The following DBNL variants were observed in gnomAD, a reference collection of about 807,000 sequenced individuals.
The protein encoded by DBNL is drebrin like, also known as drebrin-like protein.
Under a neutral mutation model 62.2 loss-of-function variants are expected in DBNL, and 35 were observed. The ratio of observed to expected loss-of-function variants is 0.56; its 90% CI spans 0.43 to 0.75. The LOEUF (loss-of-function observed/expected upper bound fraction) is 0.75. DBNL is among the 30% of genes least tolerant of loss of function. The pLI, the probability that DBNL is intolerant of heterozygous loss-of-function variation, is 0.00. For missense variants in DBNL, 495 were observed against 578.4 expected, an observed-to-expected ratio of 0.86 and a Z score of 1.48; for synonymous variants, 197 against 218.0, an observed-to-expected ratio of 0.90 and a Z score of 0.85.
At position 44,067,460 on chromosome 7, in the gene DBNL, G is replaced by A. The variant is rs2096162080; in HGVS notation, c.*6544G>A. The A allele has an allele frequency of 6.6e-6, 1 of 152,194 alleles. No homozygotes were observed. 9.4% of individuals were successfully genotyped at this position (152,194 alleles called of 1,614,324 possible). A position where few individuals can be genotyped will look rare whatever the true frequency, so the allele number is the denominator to read the frequency against. ...CAGTGGCAAGGATCCCCCAGACCTG[G>A]GAGACCTCACTGCCAACCAAGCAGG... On this transcript the variant is annotated 3_prime_UTR_variant, in exon 13 of 13. Transcript: ENST00000448521.
chr7:44,048,580 C>T (rs2096121264), intron 1 of DBNL, among the ~76,000 whole-genome samples: 1 of 152,242 alleles, frequency 6.6e-6, no homozygotes, highest in Non-Finnish European at 1.5e-5. Flanking sequence ...AGTATCTCTG[C>T]CCAGTGGCAC....
chr7:44,050,059 G>A, intron 1 of DBNL, 166 bp from the exon 2 acceptor site: 1 of 644,212 alleles, frequency 1.6e-6, no homozygotes, highest in Non-Finnish European at 2.8e-6. Flanking sequence ...TGCCTACTGA[G>A]AACCTGCCTA....
chr7:44,057,896 G>A, intron 6 of DBNL, 37 bp downstream of exon 6: 3 of 1,613,352 alleles, frequency 1.9e-6, no homozygotes, highest in Non-Finnish European at 2.5e-6. Flanking sequence ...GCACGTGGGA[G>A]TGTTCTGCTT....
rs981293455 is a variant in DBNL, at chr7:44,061,267, T to G, written c.*351T>G. On this transcript the variant is annotated 3_prime_UTR_variant, in exon 13 of 13. Transcript: ENST00000448521. ...CATCTGGGAGGCTCTGGCTGCCTTC[T>G]GCATTTATTTGCCTTTTTTCTTTTT... The G allele has an allele frequency of 1.2e-5, 3 of 259,308 alleles. No homozygotes were observed. Among genetic ancestry groups the G allele is most frequent in the Non-Finnish European group, 1.5e-5 (2 of 134,250 alleles). 16.1% of individuals were successfully genotyped at this position (259,308 alleles called of 1,614,324 possible).
rs559022415 is a variant in DBNL at position 44,058,324 on chromosome 7, C to T, written c.704+44C>T. ...CTGGCCTGGGGGACCCACCCTGAGGCATTGCTGGGCACCTGCTCCATCCCA... is the reference window on the plus strand; with the variant it reads ...CTGGCCTGGGGGACCCACCCTGAGGTATTGCTGGGCACCTGCTCCATCCCA... On this transcript the variant is annotated intron_variant, in intron 7 of 12. Coordinates refer to ENST00000448521, the MANE Select transcript of DBNL (RefSeq NM_001014436.3). The T allele has an allele frequency of 3.7e-5, 59 of 1,589,162 alleles. 1 individual carries two copies. The South Asian group carries it at 6.3e-4, about 17-fold the overall frequency.
rs1339959564 is a variant in DBNL, at chr7:44,069,263, GAGTTA to G, written c.*8348_*8352del. On this transcript the variant is annotated 3_prime_UTR_variant, in exon 13 of 13. Coordinates refer to ENST00000448521, the MANE Select transcript of DBNL (RefSeq NM_001014436.3). The stretch of plus-strand genomic sequence containing the variant: ...ATGAAACTATTCTTTACTTCTTTAA[GAGTTA>G]TGTGATGGTTGAATTAAGTCATGAT... 6.6e-6 allele frequency: 1 copy of G among 152,150 alleles called. No homozygotes were observed. The highest frequency in any genetic ancestry group is 2.4e-5 in the African/African-American group (1 of 41,422). The allele number at this position is 152,150 out of a possible 1,614,324, so 9.4% of individuals were successfully genotyped here. A position where few individuals can be genotyped will look rare whatever the true frequency, so the allele number is the denominator to read the frequency against.
At position 44,044,728 on chromosome 7, in the gene DBNL, G is replaced by T; in HGVS notation, c.-10G>T. On this transcript the variant is annotated 5_prime_UTR_variant, in exon 1 of 13. Coordinates refer to ENST00000448521, the MANE Select transcript of DBNL (RefSeq NM_001014436.3). ...GCTACAGCAGCGGCGCGGAGACTGC[G>T]GGGCGGGCCATGGCGGCGAACCTGA... The T allele has an allele frequency of 6.7e-7, 1 of 1,497,736 alleles. No individual in the cohort carries two copies. 92.8% of individuals were successfully genotyped at this position (1,497,736 alleles called of 1,614,324 possible).
In DBNL at chr7:44,065,179, G is replaced by A. The variant is rs1586001857; in HGVS notation, c.*4263G>A. On this transcript the variant is annotated 3_prime_UTR_variant, in exon 13 of 13. Transcript: ENST00000448521. ...TCGGGGGCGGCGGGATGTCGAAGGA[G>A]CGCCTCCAGATCTTCACCTGCTCCT... is the stretch of plus-strand genomic sequence containing the variant. 1 of 1,614,056 alleles carries A rather than the reference G, an allele frequency of 6.2e-7. No individual in the cohort carries two copies. Among genetic ancestry groups the A allele is most frequent in the South Asian group, 1.1e-5 (1 of 91,084 alleles).
Position 44,057,825 on chromosome 7 carries a change from G to A in DBNL, c.518G>A (p.Arg173Lys). 6.2e-7 allele frequency: 1 copy of A among 1,614,218 alleles called. No homozygotes were observed. The change falls in exon 6 of 13, where the codon AGG becomes AAG. Residue 173 changes from arginine to lysine, a missense_variant. Arg to Lys is a conservative substitution (Grantham distance 26). Coordinates refer to ENST00000448521, the MANE Select transcript of DBNL (RefSeq NM_001014436.3). ...ACCAATGCCGTGTCTGAGATTAAAA[G>A]GGTTGGTAAAGACAGCTTCTGGGCC... ...QKTNAVSEIK[R>K]VGKDSFWAKA...
At chr7:44,054,170 A>C (rs2096131835) in intron 4 of DBNL, among the ~76,000 whole-genome samples, 2 of 152,082 alleles carry the variant, frequency 1.3e-5, no homozygotes, top group South Asian at 4.2e-4. Context: ...CTTTTATCAG[A>C]GTTTTTTTTA....
Position 44,065,443 on chromosome 7 carries a change from C to T in DBNL, c.*4527C>T. ...CCTCCTCGGTCCCCTTTTCACTCAGCTCTGCATCGAACCAGCCACAGAAAC... is the reference window on the plus strand; with the variant it reads ...CCTCCTCGGTCCCCTTTTCACTCAGTTCTGCATCGAACCAGCCACAGAAAC... On this transcript the variant is annotated 3_prime_UTR_variant, in exon 13 of 13. Transcript: ENST00000448521. 1 of 1,614,106 alleles carries T rather than the reference C, an allele frequency of 6.2e-7. No homozygotes were observed. The highest frequency in any genetic ancestry group is 8.5e-7 in the Non-Finnish European group (1 of 1,180,034).
rs1294239128 is a variant in DBNL at position 44,057,035 on chromosome 7, G to A, written c.474+132G>A. On this transcript the variant is annotated intron_variant, in intron 5 of 12. Coordinates refer to ENST00000448521, the MANE Select transcript of DBNL (RefSeq NM_001014436.3). Reference sequence around the variant, plus strand: ...TTAGTTTCTGCAGATGGTAACCCCTGAGCTGTGGTGATTGCCCACTGACCA... The same window carrying A: ...TTAGTTTCTGCAGATGGTAACCCCTAAGCTGTGGTGATTGCCCACTGACCA... 4.5e-6 allele frequency: 6 copies of A among 1,336,646 alleles called. No homozygotes were observed. In the East Asian group the frequency reaches 1.4e-4, roughly 32 times the overall value. 82.8% of individuals were successfully genotyped at this position (1,336,646 alleles called of 1,614,324 possible).
At position 44,063,732 on chromosome 7, in the gene DBNL, CCTT is replaced by C. The variant is rs2096153693; in HGVS notation, c.*2817_*2819del. The C allele has an allele frequency of 6.5e-6, 1 of 153,730 alleles. No homozygotes were observed. 9.5% of individuals were successfully genotyped at this position (153,730 alleles called of 1,614,324 possible). On this transcript the variant is annotated 3_prime_UTR_variant, in exon 13 of 13. Coordinates refer to ENST00000448521, the MANE Select transcript of DBNL (RefSeq NM_001014436.3). ...CCCTGAGCTGGGAATAGCAGCTCGA[CCTT>C]TGATGTTCGCGCCACTCCACCCCTG...
rs1186869936 is a variant in DBNL at position 44,065,089 on chromosome 7, G to C, written c.*4173G>C. 8 of 1,613,000 alleles carry C rather than the reference G, an allele frequency of 5.0e-6. No homozygotes were observed. The highest frequency in any genetic ancestry group is 6.8e-6 in the Non-Finnish European group (8 of 1,179,982). ...CGACTCCCCACTCTGCAGCTTCCCAGAGGCCTTCCCAGCAAAGGCAGCCCA... is the reference window on the plus strand; with the variant it reads ...CGACTCCCCACTCTGCAGCTTCCCACAGGCCTTCCCAGCAAAGGCAGCCCA... On this transcript the variant is annotated 3_prime_UTR_variant, in exon 13 of 13. Transcript: ENST00000448521.
intron 2 of DBNL, 38 bp from the exon 3 acceptor site, chr7:44,051,792 C>A (rs747052979): frequency 4.4e-6 from 7 of 1,606,910 alleles, no homozygotes; most frequent in African/African-American, 1.3e-5. Flanking sequence ...CAGGGAATGT[C>A]AGGGCCACCC....
In DBNL at chr7:44,059,684, C is replaced by T. The variant is rs1457995864; in HGVS notation, c.1047+26C>T. The T allele has an allele frequency of 1.3e-6, 2 of 1,569,072 alleles. No homozygotes were observed. The highest frequency in any genetic ancestry group is 8.6e-7 in the Non-Finnish European group (1 of 1,162,010). On this transcript the variant is annotated intron_variant, in intron 11 of 12. Coordinates refer to ENST00000448521, the MANE Select transcript of DBNL (RefSeq NM_001014436.3). This position sits in a 1 kb window ranked among gnomAD's most constrained non-coding sequence, Gnocchi z 4.1. Reference sequence around the variant, plus strand: ...GTGGGTTCCTACACTGGGGCTGGGGCCAGGAAGGGGCTGCATACTCAGGAA... The same window carrying T: ...GTGGGTTCCTACACTGGGGCTGGGGTCAGGAAGGGGCTGCATACTCAGGAA...
At position 44,059,603 on chromosome 7, in the gene DBNL, A is replaced by C. The variant is rs1334390824; in HGVS notation, c.992A>C (p.Glu331Ala). The change falls in exon 11 of 13, where the codon GAG (glutamate) becomes GCG (alanine). Residue 331 changes from glutamate to alanine, a missense_variant. Coordinates refer to ENST00000448521, the MANE Select transcript of DBNL (RefSeq NM_001014436.3). This position sits in a 1 kb window ranked among gnomAD's most constrained non-coding sequence, Gnocchi z 4.1. ...TPPCLVQAEE[E>A]AVYEEPPEQE... Reference sequence around the variant, plus strand: ...CCATGTCTGGTGCAGGCAGAAGAGGAGGCTGTGTATGAGGAACCTCCAGAG... The same window carrying C: ...CCATGTCTGGTGCAGGCAGAAGAGGCGGCTGTGTATGAGGAACCTCCAGAG... The C allele has an allele frequency of 9.3e-6, 15 of 1,611,296 alleles. No homozygotes were observed. Among genetic ancestry groups the C allele is most frequent in the Non-Finnish European group, 1.3e-5 (15 of 1,179,926 alleles).
intron 4 of DBNL, among the ~76,000 whole-genome samples, chr7:44,053,892 G>C (rs946204968): frequency 1.3e-5 from 2 of 151,962 alleles, no homozygotes; most frequent in African/African-American, 2.4e-5. Flanking sequence ...TAGCCAGGAT[G>C]GTCTCGATCT....
intron 1 of DBNL, 40 bp downstream of exon 1, chr7:44,044,860 C>T: frequency 7.2e-7 from 1 of 1,397,822 alleles, no homozygotes; most frequent in Non-Finnish European, 9.3e-7. Flanking sequence ...CAGGGGCTGC[C>T]TCAGGGGTGG....
Sources: gnomAD v4.1 joint callset for allele counts (sites outside exome capture counted in the v4.1 genomes callset) on GRCh38, gnomAD v4.1.1 for gene constraint, Gnocchi (gnomAD v3.1) non-coding constraint, MANE v1.5 for transcripts, NCBI Gene and HGNC (gene_info 2026-07-23, HGNC 2026-07-21) for gene names.